The following SLC2A9 variants were observed in gnomAD, a reference collection of about 807,000 sequenced individuals.
SLC2A9 encodes solute carrier family 2, facilitated glucose transporter member 9.
In SLC2A9, 39 loss-of-function variants were observed where a neutral mutation model predicts 50.6. That is an observed-to-expected ratio of 0.77 (90% CI 0.60 to 1.01). The LOEUF (loss-of-function observed/expected upper bound fraction) is 1.01. Among genes scored for constraint, SLC2A9 ranks in the 50% least tolerant of loss-of-function variants. The probability of loss-of-function intolerance (pLI) is 0.00; values close to 1 mark genes in which losing one functional copy is unlikely to be tolerated. For synonymous variants in SLC2A9, 324 were observed against 276.9 expected, an observed-to-expected ratio of 1.17 and a Z score of -1.69; for missense variants, 686 against 677.6, an observed-to-expected ratio of 1.01 and a Z score of -0.14.
chr4:9,931,952 CTCTCTCTCTCTATATATA>C (rs869149457), intron 6 of SLC2A9, among the ~76,000 whole-genome samples: 585 of 57,148 alleles, frequency 0.01, 21 homozygotes, highest in South Asian at 0.044. Context: ...CTCTCTCTCT[CTCTCTCTCTCTATATATA>C]TATATATATA....
At chr4:9,819,687 A>C (rs1225806370) in intron 3 of SLC2A9, among the ~76,000 whole-genome samples, 1 of 152,240 alleles carries the variant, frequency 6.6e-6, no homozygotes, top group Non-Finnish European at 1.5e-5. Context: ...TAATCCCAGC[A>C]CTTTGGGAGG....
intron 2 of SLC2A9, among the ~76,000 whole-genome samples, chr4:10,009,245 C>A (rs940598058): frequency 9.2e-5 from 14 of 152,166 alleles, no homozygotes; most frequent in Admixed American, 7.2e-4. Context: ...ACCTGCCAGG[C>A]GACATGCTTC....
intron 7 of SLC2A9, among the ~76,000 whole-genome samples, chr4:9,913,656 T>A (rs1458021127): frequency 6.6e-6 from 1 of 152,120 alleles, no homozygotes; most frequent in Non-Finnish European, 1.5e-5. Flanking sequence ...CCCTCTTGCA[T>A]CCCCTGGGCT....
Position 9,920,423 on chromosome 4 carries a change from C to G in SLC2A9, c.964G>C (p.Val322Leu). Residue 322 changes from valine (V) to leucine (L), a missense_variant, in exon 7 of 12, where the codon GTC becomes CTC. Physicochemically the swap from Val to Leu is conservative, Grantham distance 32. Transcript: ENST00000264784. Reference sequence around the variant, plus strand: ...CAGAGCTGGTAGCAGGCCATGGTGACAATCACGGTGACCACCTGCCAGCGG... The same window carrying G: ...CAGAGCTGGTAGCAGGCCATGGTGAGAATCACGGTGACCACCTGCCAGCGG... ...YVRWQVVTVI[V>L]TMACYQLCGL... is the part of the protein sequence containing the mutation. 1 of 1,614,178 alleles carries G rather than the reference C, an allele frequency of 6.2e-7. No homozygotes were observed. The highest frequency in any genetic ancestry group is 8.5e-7 in the Non-Finnish European group (1 of 1,180,036).
At chr4:9,928,629 G>C (rs907063084) in intron 6 of SLC2A9, among the ~76,000 whole-genome samples, 8 of 152,180 alleles carry the variant, frequency 5.3e-5, no homozygotes, top group Non-Finnish European at 5.9e-5. Context: ...AGCTACTCGG[G>C]AGGCTGAGGC....
chr4:9,793,038 C>G (rs777291644), intron 3 of SLC2A9, among the ~76,000 whole-genome samples: 5 of 152,144 alleles, frequency 3.3e-5, no homozygotes, highest in Non-Finnish European at 7.4e-5. Flanking sequence ...CCACGCCCAG[C>G]TAATTTTGTA....
At chr4:9,989,528 T>A (rs1029086018) in intron 3 of SLC2A9, among the ~76,000 whole-genome samples, 3 of 152,062 alleles carry the variant, frequency 2.0e-5, no homozygotes, top group African/African-American at 7.2e-5. Flanking sequence ...TGCTTGTATT[T>A]CTGCACCTGC....
At chr4:9,929,175 A>G (rs532916588) in intron 6 of SLC2A9, among the ~76,000 whole-genome samples, 142 of 152,338 alleles carry the variant, frequency 9.3e-4, no homozygotes, top group African/African-American at 3.3e-3. Context: ...TTCTCGTATA[A>G]CTATCCCCTG....
intron 8 of SLC2A9, among the ~76,000 whole-genome samples, chr4:9,894,496 T>A (rs558137636): frequency 1.3e-5 from 2 of 152,280 alleles, no homozygotes; most frequent in African/African-American, 4.8e-5. Flanking sequence ...CTCCGGAGAG[T>A]TTTGACTTAA....
intron 8 of SLC2A9, among the ~76,000 whole-genome samples, chr4:9,900,738 C>T (rs1291471237): frequency 2.0e-5 from 3 of 152,136 alleles, no homozygotes; most frequent in Non-Finnish European, 4.4e-5. Context: ...AGGAAACTTA[C>T]AATCATGGTG....
intron 3 of SLC2A9, among the ~76,000 whole-genome samples, chr4:9,990,756 G>T (rs1382314242): frequency 1.3e-5 from 2 of 152,120 alleles, no homozygotes; most frequent in Non-Finnish European, 2.9e-5. Flanking sequence ...GAAGTCTTCT[G>T]GTCTTATCTA....
At chr4:9,985,640 G>C in intron 4 of SLC2A9, 29 bp downstream of exon 4, 1 of 1,613,782 alleles carries the variant, frequency 6.2e-7, no homozygotes, top group Non-Finnish European at 8.5e-7. Flanking sequence ...GTATGTTACT[G>C]TTCCCTCCCC....
chr4:9,838,616 T>A (rs1040217730), intron 10 of SLC2A9, among the ~76,000 whole-genome samples: 8 of 152,114 alleles, frequency 5.3e-5, no homozygotes, highest in Admixed American at 2.0e-4. Context: ...ACTACAGAAT[T>A]ATAGTAACCA....
intron 10 of SLC2A9, among the ~76,000 whole-genome samples, chr4:9,877,682 AG>A (rs759284158): frequency 1.3e-5 from 2 of 152,178 alleles, no homozygotes; most frequent in African/African-American, 2.4e-5. Flanking sequence ...CTTGCAGGGC[AG>A]GGCCAGGATG....
At chr4:9,982,710 G>A (rs1349485255) in intron 4 of SLC2A9, among the ~76,000 whole-genome samples, 1 of 152,050 alleles carries the variant, frequency 6.6e-6, no homozygotes, top group Non-Finnish European at 1.5e-5. Flanking sequence ...AAGCAGGCAG[G>A]GCCTCTGAAA....
chr4:10,027,378 C>G (rs1198510086), intron 1 of SLC2A9, among the ~76,000 whole-genome samples: 1 of 152,172 alleles, frequency 6.6e-6, no homozygotes, highest in African/African-American at 2.4e-5. Context: ...GATCCCGTCG[C>G]CTCCTGTTTA....
chr4:9,826,762 A>G (rs1725203742), intron 11 of SLC2A9, among the ~76,000 whole-genome samples, 162 bp from the exon 12 acceptor site: 1 of 152,222 alleles, frequency 6.6e-6, no homozygotes, highest in Non-Finnish European at 1.5e-5. Flanking sequence ...TGTACCCTAC[A>G]TGAAGTGTTA....
rs1175166447 is a variant in SLC2A9, at chr4:9,845,427, C to CTTTTTTTTTTTTTTTTTT, written c.1292-10437_1292-10420dup. ...CCAATGGAACCACGATCATCAATTT[C>CTTTTTTTTTTTTTTTTTT]TTTTTTTTTTTTTTTTTTTTGAGAC... On this transcript the variant is annotated intron_variant, in intron 10 of 11. Transcript: ENST00000264784. 5.2e-3 allele frequency among the ~76,000 whole-genome samples: 564 copies of CTTTTTTTTTTTTTTTTTT among 108,658 alleles called. 46 individuals carry two copies. Among genetic ancestry groups the CTTTTTTTTTTTTTTTTTT allele is most frequent in the African/African-American group, 0.013 (318 of 24,530 alleles). The allele number at this position is 108,658 out of a possible 152,430, so 71.3% of individuals were successfully genotyped here.
intron 7 of SLC2A9, among the ~76,000 whole-genome samples, chr4:9,913,933 GAGA>G (rs1230518610): frequency 5.3e-5 from 8 of 152,196 alleles, no homozygotes; most frequent in African/African-American, 1.7e-4. Context: ...CTGAATTTCA[GAGA>G]AGAAGGGGGC....
Sources: gnomAD v4.1 joint callset for allele counts (sites outside exome capture counted in the v4.1 genomes callset) on GRCh38, gnomAD v4.1.1 for gene constraint, MANE v1.5 for transcripts, NCBI Gene and HGNC (gene_info 2026-07-23, HGNC 2026-07-21) for gene names.